TEX51: variants seen among roughly 807,000 people sequenced by gnomAD.
The protein encoded by TEX51 is testis expressed 51.
A neutral mutation model predicts 8.0 loss-of-function variants in TEX51; 14 were observed. That is an observed-to-expected ratio of 1.76 (90% CI 1.16 to 2.75). The LOEUF (loss-of-function observed/expected upper bound fraction) is 2.75, where lower values mean the gene tolerates loss of function less well. Among genes scored for constraint, TEX51 ranks in the 30% most tolerant of loss-of-function variants. The pLI is 0.00. For missense variants in TEX51, 142 were observed against 77.4 expected (o/e 1.83, Z -3.13); for synonymous variants, 58 against 28.6 (o/e 2.03, Z -3.29).
Position 126,898,964 on chromosome 2 carries a change from A to G in TEX51, c.46A>G (p.Lys16Glu). ...IICLLPAIEG[K>E]NCLRCWPELS... is the part of the protein sequence containing the mutation. ...CTGTCTCCTGCCTGCCATTGAAGGG[A>G]AGAACTGCCTCCGCTGCTGGCCAGA... Residue 16 changes from lysine to glutamate, a missense_variant, in exon 1 of 7, where the codon AAG becomes GAG. By Grantham distance (56) the Lys-to-Glu change is moderately conservative (BLOSUM62 1). Coordinates refer to ENST00000568484, the MANE Select transcript of TEX51 (RefSeq NM_001322244.2). The G allele has an allele frequency of 1.4e-6, 1 of 701,482 alleles. No individual in the cohort carries two copies. Among genetic ancestry groups the G allele is most frequent in the South Asian group, 1.5e-5 (1 of 67,552 alleles). 43.5% of individuals were successfully genotyped at this position (701,482 alleles called of 1,614,324 possible).
At chr2:126,901,680 C>T (rs1680339087) in intron 6 of TEX51, 192 bp from the exon 7 acceptor site, 4 of 593,054 alleles carry the variant, frequency 6.7e-6, no homozygotes, top group Admixed American at 3.0e-5. Flanking sequence ...CTGTCCCTGT[C>T]CCCTGCACAC....
chr2:126,901,540 G>A (rs1383728597), intron 6 of TEX51, 136 bp downstream of exon 6: 4 of 622,284 alleles, frequency 6.4e-6, no homozygotes, highest in Non-Finnish European at 1.1e-5. Flanking sequence ...TGGGATCGAG[G>A]GCCAGGACTC....
At position 126,899,039 on chromosome 2, in the gene TEX51, GGGCCA is replaced by G. The variant is rs779543625; in HGVS notation, c.122_126del (p.Gly41AlafsTer9). ...CCTGCAGATCCTCTGGGTGACCCCAGGGCCACCCACAGAACTTTCTCAAAGTATTC... is the reference window on the plus strand; with the variant it reads ...CCTGCAGATCCTCTGGGTGACCCCAGCCCACAGAACTTTCTCAAAGTATTC... On this transcript the variant is annotated frameshift_variant, in exon 1 of 7. Transcript: ENST00000568484. LOFTEE classifies it high-confidence loss of function. 8.5e-6 allele frequency: 6 copies of G among 702,146 alleles called. No individual in the cohort carries two copies. The highest frequency in any genetic ancestry group is 7.8e-6 in the Non-Finnish European group (3 of 384,832). 43.5% of individuals were successfully genotyped at this position (702,146 alleles called of 1,614,324 possible). A position where few individuals can be genotyped will look rare whatever the true frequency, so the allele number is the denominator to read the frequency against.
intron 4 of TEX51, among the ~76,000 whole-genome samples, chr2:126,900,323 G>A (rs1207108768): frequency 6.6e-6 from 1 of 151,520 alleles, no homozygotes; most frequent in African/African-American, 2.4e-5. Context: ...GGACCCGGGA[G>A]GTGGAGGTTG....
At chr2:126,900,311 T>C (rs1290345830) in intron 4 of TEX51, among the ~76,000 whole-genome samples, 1 of 151,258 alleles carries the variant, frequency 6.6e-6, no homozygotes, top group Non-Finnish European at 1.5e-5. Flanking sequence ...GGAGAGTCGC[T>C]TGGACCCGGG....
In TEX51 at chr2:126,899,581, G is replaced by A. The variant is rs989286446; in HGVS notation, c.279G>A (p.Leu93=). The change falls in exon 3 of 7, where the codon CTG becomes CTA. Residue 93 remains leucine, a synonymous_variant. Coordinates refer to ENST00000568484, the MANE Select transcript of TEX51 (RefSeq NM_001322244.2). ...YTHKNLFTER[L]NKISDGLKEK... is the part of the protein sequence containing the mutation. The stretch of plus-strand genomic sequence containing the variant: ...ACAAGAATCTCTTTACTGAGAGGCT[G>A]AATAAGATATCTGATGGGCTGAAGG... 5 of 702,034 alleles carry A rather than the reference G, an allele frequency of 7.1e-6. No individual in the cohort carries two copies. Among genetic ancestry groups the A allele is most frequent in the African/African-American group, 7.0e-5 (4 of 57,204 alleles). 43.5% of individuals were successfully genotyped at this position (702,034 alleles called of 1,614,324 possible).
chr2:126,899,006 G>A lies in TEX51; in HGVS notation c.88G>A (p.Asp30Asn), dbSNP rs1270085145. 1.4e-6 allele frequency: 1 copy of A among 702,306 alleles called. No homozygotes were observed. Among genetic ancestry groups the A allele is most frequent in the South Asian group, 1.5e-5 (1 of 67,588 alleles). The allele number at this position is 702,306 out of a possible 1,614,324, so 43.5% of individuals were successfully genotyped here. Residue 30 changes from aspartate to asparagine, a missense_variant, in exon 1 of 7, where the codon GAC becomes AAC. Asp to Asn is a conservative substitution (Grantham distance 23). Transcript: ENST00000568484. ...RCWPELSALIDYDLQILWVTP... is the reference protein window; with the variant it reads ...RCWPELSALINYDLQILWVTP... ...CTGGCCAGAACTGTCTGCCTTGATA[G>A]ACTATGACCTGCAGATCCTCTGGGT...
At chr2:126,901,548 C>T (rs1306528374) in intron 6 of TEX51, 144 bp downstream of exon 6, 1 of 616,262 alleles carries the variant, frequency 1.6e-6, no homozygotes, top group Non-Finnish European at 2.9e-6. Flanking sequence ...AGGGCCAGGA[C>T]TCTCAGGAGT....
At position 126,901,232 on chromosome 2, in the gene TEX51, G is replaced by A. The variant is rs1485126650; in HGVS notation, c.417G>A (p.Leu139=). The part of the protein sequence containing the change: ...FCPARNRRTS[L]WAVSLSSALL... ...CAGCCAGGAACCGGCGGACCTCCCT[G>A]TGGGCTGTGAGTCTCAGCAGTGCTC... The change falls in exon 5 of 7, where the codon CTG becomes CTA. Residue 139 remains leucine, a synonymous_variant. Transcript: ENST00000568484. The A allele has an allele frequency of 2.9e-6, 2 of 681,280 alleles. No homozygotes were observed. Among genetic ancestry groups the A allele is most frequent in the Admixed American group, 2.1e-5 (1 of 48,738 alleles). 42.2% of individuals were successfully genotyped at this position (681,280 alleles called of 1,614,324 possible).
intron 6 of TEX51, 21 bp downstream of exon 6, chr2:126,901,425 G>A (rs184848574): frequency 6.0e-5 from 42 of 702,236 alleles, no homozygotes; most frequent in African/African-American, 5.2e-4. Context: ...AGGAGACCCC[G>A]ACCCAATTCT....
rs1680352375 is a variant in TEX51, at chr2:126,901,895, C to A, written c.*26C>A. On this transcript the variant is annotated 3_prime_UTR_variant, in exon 7 of 7. Coordinates refer to ENST00000568484, the MANE Select transcript of TEX51 (RefSeq NM_001322244.2). ...AGGAACAGGGCAGCCCGCATGTCTTCCAGAAGTGAACAGAGGCCGCAGCTA... is the reference window on the plus strand; with the variant it reads ...AGGAACAGGGCAGCCCGCATGTCTTACAGAAGTGAACAGAGGCCGCAGCTA... The A allele has an allele frequency of 4.6e-6, 3 of 655,566 alleles. No individual in the cohort carries two copies. The highest frequency in any genetic ancestry group is 8.3e-6 in the Non-Finnish European group (3 of 363,630). The allele number at this position is 655,566 out of a possible 1,614,324, so 40.6% of individuals were successfully genotyped here. A position where few individuals can be genotyped will look rare whatever the true frequency, so the allele number is the denominator to read the frequency against.
intron 3 of TEX51, 78 bp from the exon 4 acceptor site, chr2:126,899,858 G>A (rs766103839): frequency 2.8e-6 from 2 of 702,234 alleles, no homozygotes; most frequent in East Asian, 2.7e-5. Flanking sequence ...CCTGTGGTGA[G>A]TATGCATGGG....
At chr2:126,901,746 C>T in intron 6 of TEX51, 126 bp from the exon 7 acceptor site, 1 of 572,256 alleles carries the variant, frequency 1.7e-6, no homozygotes, top group Non-Finnish European at 3.1e-6. Flanking sequence ...AGCATGGCTG[C>T]CTTGCCCTCT....
At position 126,899,497 on chromosome 2, in the gene TEX51, C is replaced by T. The variant is rs182787730; in HGVS notation, c.221-26C>T. On this transcript the variant is annotated intron_variant, in intron 2 of 6. Coordinates refer to ENST00000568484, the MANE Select transcript of TEX51 (RefSeq NM_001322244.2). ...ACCTTGAGCAAGTTGTAACCCTGAA[C>T]ACCCCTTCCCTCCTGCTCTACCCAG... 194 of 694,744 alleles carry T rather than the reference C, an allele frequency of 2.8e-4. 2 individuals are homozygous for T. The highest frequency in any genetic ancestry group is 1.5e-3 in the African/African-American group (83 of 57,220). The allele number at this position is 694,744 out of a possible 1,614,324, so 43.0% of individuals were successfully genotyped here.
intron 6 of TEX51, chr2:126,901,629 C>T: frequency 1.7e-6 from 1 of 599,836 alleles, no homozygotes; most frequent in Non-Finnish European, 3.0e-6. Flanking sequence ...TGGCAAAGCT[C>T]CAGGCCTCCC....
In TEX51 at chr2:126,899,060, C is replaced by T. The variant is rs1045856934; in HGVS notation, c.142C>T (p.Gln48Ter). The T allele has an allele frequency of 4.3e-6, 3 of 702,310 alleles. No individual in the cohort carries two copies. The highest frequency in any genetic ancestry group is 7.8e-6 in the Non-Finnish European group (3 of 384,810). The allele number at this position is 702,310 out of a possible 1,614,324, so 43.5% of individuals were successfully genotyped here. A position where few individuals can be genotyped will look rare whatever the true frequency, so the allele number is the denominator to read the frequency against. ...CCCAGGGCCACCCACAGAACTTTCT[C>T]AAAGTATTCACTCCTTGTTCCTAGA... ...VTPGPPTELS[Q>*]NRDHLEEETA... Residue 48 changes from glutamine (Q) to a stop codon, truncating the protein, a stop_gained, in exon 1 of 7, where the codon CAA becomes TAA. Coordinates refer to ENST00000568484, the MANE Select transcript of TEX51 (RefSeq NM_001322244.2). LOFTEE classifies it high-confidence loss of function.
intron 6 of TEX51, 140 bp from the exon 7 acceptor site, chr2:126,901,732 C>A (rs1356261806): frequency 1.7e-6 from 1 of 572,356 alleles, no homozygotes; most frequent in Non-Finnish European, 3.1e-6. Context: ...CCACAGGGAC[C>A]ATTAGCATGG....
Sources: allele counts gnomAD v4.1 joint callset (sites outside exome capture counted in the v4.1 genomes callset), GRCh38; gene constraint gnomAD v4.1.1; transcripts MANE v1.5; gene names NCBI Gene and HGNC (gene_info 2026-07-23, HGNC 2026-07-21).